LARP1: variants seen among roughly 807,000 people sequenced by gnomAD.
LARP1 encodes the protein La ribonucleoprotein 1, translational regulator.
In LARP1, 36 loss-of-function variants were observed where a neutral mutation model predicts 122.7. That is an observed-to-expected ratio of 0.29 (90% CI 0.22 to 0.39). The LOEUF (loss-of-function observed/expected upper bound fraction) is 0.39. Ranked by LOEUF, LARP1 falls within the 10% of genes least tolerant of loss-of-function variation. LARP1 has a pLI of 1.00. For missense variants in LARP1, 1,040 were observed against 1,403.6 expected (o/e 0.74, Z 4.14); for synonymous variants, 539 against 528.7 (o/e 1.02, Z -0.27).
intron 1 of LARP1, among the ~76,000 whole-genome samples, chr5:154,760,532 G>A (rs142979235): frequency 6.6e-6 from 1 of 152,300 alleles, no homozygotes; most frequent in East Asian, 1.9e-4. Flanking sequence ...TAAGTCGATG[G>A]CTTGGGGGTG....
chr5:154,755,607 G>C lies in LARP1; in HGVS notation c.-151G>C, dbSNP rs948865851. On this transcript the variant is annotated 5_prime_UTR_variant, in exon 1 of 19. Coordinates refer to ENST00000518297, the MANE Select transcript of LARP1 (RefSeq NM_033551.3). ...CGGCGGCTGCATCTAACTGGGAGGG[G>C]GCCGCACCTCGCGTGAACCCCGACC... is the stretch of plus-strand genomic sequence containing the variant. 1 of 987,416 alleles carries C rather than the reference G, an allele frequency of 1.0e-6. No individual in the cohort carries two copies. The highest frequency in any genetic ancestry group is 6.1e-5 in the Admixed American group (1 of 16,274). The allele number at this position is 987,416 out of a possible 1,614,324, so 61.2% of individuals were successfully genotyped here. A position where few individuals can be genotyped will look rare whatever the true frequency, so the allele number is the denominator to read the frequency against.
At chr5:154,755,265 C>T (rs1753747997), upstream of LARP1, among the ~76,000 whole-genome samples, 1 of 147,190 alleles carries the variant, frequency 6.8e-6, no homozygotes, top group Non-Finnish European at 1.5e-5. Flanking sequence ...CAGCGGCGCG[C>T]CCCCGCTGCG....
exon 1 of LARP1, chr5:154,713,117 C>T (rs1163122908): frequency 1.9e-6 from 3 of 1,613,442 alleles, no homozygotes; most frequent in Middle Eastern, 1.7e-4. Flanking sequence ...TCCTGGCCCC[C>T]TTCAGCAACC....
chr5:154,727,086 A>G (rs979710274), intron 1 of LARP1, among the ~76,000 whole-genome samples: 1 of 152,204 alleles, frequency 6.6e-6, no homozygotes, highest in Non-Finnish European at 1.5e-5. Context: ...TATAATACAT[A>G]TTTTATATGA....
Position 154,755,862 on chromosome 5 carries a change from C to A in LARP1, c.105C>A (p.Gly35=). The change falls in exon 1 of 19, where the codon GGC becomes GGA. Residue 35 remains glycine (G), a synonymous_variant. Transcript: ENST00000518297. The stretch of plus-strand genomic sequence containing the variant: ...AGAAGCCGCCGCCGGCGCCCGAGGG[C>A]AAGGGCGAGCCCGGGCCAAACGACG... ...VRKKPPPAPE[G]KGEPGPNDVR... is the part of the protein sequence containing the mutation. 1 of 1,011,188 alleles carries A rather than the reference C, an allele frequency of 9.9e-7. No individual in the cohort carries two copies. The highest frequency in any genetic ancestry group is 1.2e-6 in the Non-Finnish European group (1 of 844,972). 62.6% of individuals were successfully genotyped at this position (1,011,188 alleles called of 1,614,324 possible).
At chr5:154,756,580 C>A in intron 1 of LARP1, 1 of 846,892 alleles carries the variant, frequency 1.2e-6, no homozygotes, top group Non-Finnish European at 1.4e-6. Context: ...CCACCCCGCC[C>A]GGCGCTCCCC....
At chr5:154,713,790 G>T (rs1755343845) in intron 1 of LARP1, among the ~76,000 whole-genome samples, 1 of 152,218 alleles carries the variant, frequency 6.6e-6, no homozygotes, top group South Asian at 2.1e-4. Flanking sequence ...AATTTCCTAT[G>T]TGGAGAGACT....
chr5:154,790,222 G>A, intron 1 of LARP1, 103 bp from the exon 2 acceptor site: 1 of 873,478 alleles, frequency 1.1e-6, no homozygotes, highest in Non-Finnish European at 1.8e-6. Context: ...TTGGGAACTT[G>A]CAGGTTGCTA....
chr5:154,783,715 G>T (rs1470164755), intron 1 of LARP1, among the ~76,000 whole-genome samples: 3 of 151,764 alleles, frequency 2.0e-5, no homozygotes, highest in Non-Finnish European at 4.4e-5. Context: ...AAGATTAAGA[G>T]AATCCATGCC....
At chr5:154,782,189 C>T (rs1188516116) in intron 1 of LARP1, among the ~76,000 whole-genome samples, 1 of 152,204 alleles carries the variant, frequency 6.6e-6, no homozygotes, top group African/African-American at 2.4e-5. Context: ...TAAGTAAAAT[C>T]ATACACAGCA....
intron 1 of LARP1, among the ~76,000 whole-genome samples, chr5:154,764,193 C>T (rs913193341): frequency 1.1e-4 from 17 of 151,862 alleles, no homozygotes; most frequent in African/African-American, 3.9e-4. Flanking sequence ...CCTGTAATCC[C>T]CAGCTACTCG....
At chr5:154,709,601 T>A (rs1472380848), upstream of LARP1, among the ~76,000 whole-genome samples, 1 of 26,382 alleles carries the variant, frequency 3.8e-5, no homozygotes, top group Non-Finnish European at 7.7e-5. Context: ...CAGTGAGATT[T>A]TTTTTTTTTT....
intron 1 of LARP1, chr5:154,786,712 A>C (rs1756915785): frequency 4.0e-6 from 1 of 252,178 alleles, no homozygotes; most frequent in East Asian, 1.1e-4. Context: ...GGCTCCATGG[A>C]ATTTCTGGTG....
rs140310909 is a variant in LARP1 at position 154,735,311 on chromosome 5, C to T, written c.205+22181C>T. ...CTCTACTAAAAATACAAACATTAGC[C>T]AGGCGTGATGGGTGCCTGTAATCCC... On this transcript the variant is annotated intron_variant, in intron 1 of 18. Transcript: ENST00000336314. Among the ~76,000 whole-genome samples, 363 of 152,098 alleles carry T rather than the reference C, an allele frequency of 2.4e-3. 7 individuals are homozygous for T. The East Asian group carries it at 0.027, about 11-fold the overall frequency.
chr5:154,736,102 T>C (rs1283192551), intron 1 of LARP1, among the ~76,000 whole-genome samples: 3 of 147,546 alleles, frequency 2.0e-5, no homozygotes, highest in African/African-American at 7.4e-5. Context: ...TTAATTTTCT[T>C]TTTTTTTTTT....
chr5:154,813,041 G>A (rs897796150), intron 18 of LARP1, among the ~76,000 whole-genome samples: 1 of 152,118 alleles, frequency 6.6e-6, no homozygotes, highest in Non-Finnish European at 1.5e-5. Context: ...TTTATTATGT[G>A]CCAGGTACTT....
At chr5:154,806,236 C>A (rs986151915) in intron 15 of LARP1, among the ~76,000 whole-genome samples, 1 of 152,208 alleles carries the variant, frequency 6.6e-6, no homozygotes, top group Non-Finnish European at 1.5e-5. Flanking sequence ...ATGGCACTCA[C>A]AACGTTCGTG....
rs535772556 is a variant in LARP1 at position 154,757,328 on chromosome 5, C to G, written c.436+1135C>G. 2.0e-5 allele frequency: 3 copies of G among 151,618 alleles called. No individual in the cohort carries two copies. The East Asian group carries it at 5.9e-4, about 30-fold the overall frequency. 9.4% of individuals were successfully genotyped at this position (151,618 alleles called of 1,614,324 possible). A position where few individuals can be genotyped will look rare whatever the true frequency, so the allele number is the denominator to read the frequency against. ...GGAAATCCCAGCAGAGCCGTGTCAGCGTGGGGGGAGAGGCGGTGCAGAATA... is the reference window on the plus strand; with the variant it reads ...GGAAATCCCAGCAGAGCCGTGTCAGGGTGGGGGGAGAGGCGGTGCAGAATA... On this transcript the variant is annotated intron_variant, in intron 1 of 18. Transcript: ENST00000518297.
At chr5:154,785,384 A>G (rs886108505) in intron 1 of LARP1, among the ~76,000 whole-genome samples, 14 of 152,156 alleles carry the variant, frequency 9.2e-5, no homozygotes, top group East Asian at 1.9e-4. Flanking sequence ...ATCTCCCCCC[A>G]TCCCCATCTC....
Sources: allele counts gnomAD v4.1 joint callset (sites outside exome capture counted in the v4.1 genomes callset), GRCh38; gene constraint gnomAD v4.1.1; transcripts MANE v1.5; gene names NCBI Gene and HGNC (gene_info 2026-07-23, HGNC 2026-07-21).